WIPF1: variants seen among roughly 807,000 people sequenced by gnomAD.
WIPF1 encodes the protein WAS/WASL interacting protein family member 1, also known as WAS/WASL-interacting protein family member 1.
A neutral mutation model predicts 35.4 loss-of-function variants in WIPF1; 13 were observed. The ratio of observed to expected loss-of-function variants is 0.37; its 90% CI spans 0.24 to 0.58. The LOEUF (loss-of-function observed/expected upper bound fraction) is 0.58, where lower values mean the gene tolerates loss of function less well. Among genes scored for constraint, WIPF1 ranks in the 20% least tolerant of loss-of-function variants. WIPF1 has a pLI of 0.74. For missense variants in WIPF1, 591 were observed against 667.0 expected, an observed-to-expected ratio of 0.89 and a Z score of 1.25; for synonymous variants, 267 against 266.3, an observed-to-expected ratio of 1.00 and a Z score of -0.02.
At chr2:174,586,799 G>A (rs967729563) in intron 1 of WIPF1, among the ~76,000 whole-genome samples, 3 of 152,100 alleles carry the variant, frequency 2.0e-5, no homozygotes, top group African/African-American at 7.2e-5. Flanking sequence ...TGTTAGAAAT[G>A]TCAACTCCCA....
At chr2:174,603,487 C>T (rs2105885720) in intron 1 of WIPF1, among the ~76,000 whole-genome samples, 1 of 152,310 alleles carries the variant, frequency 6.6e-6, no homozygotes, top group South Asian at 2.1e-4. Flanking sequence ...AACAAAATAG[C>T]TAGTTATGCT....
In WIPF1 at chr2:174,571,604, T is replaced by TG; in HGVS notation, c.1129+71dup. 6.2e-7 allele frequency: 1 copy of TG among 1,602,116 alleles called. No homozygotes were observed. On this transcript the variant is annotated intron_variant, in intron 5 of 7. Coordinates refer to ENST00000679041, the MANE Select transcript of WIPF1 (RefSeq NM_001375834.1). This position sits in a 1 kb window ranked among gnomAD's most constrained non-coding sequence, Gnocchi z 4.6. ...TATGCCTGCTTTTGTTAGACTATCT[T>TG]GACTGACAGGATTATTGGTACATTT...
chr2:174,580,219 G>A (rs1270854172), intron 3 of WIPF1, among the ~76,000 whole-genome samples: 4 of 152,130 alleles, frequency 2.6e-5, no homozygotes, highest in African/African-American at 9.7e-5. Flanking sequence ...TAAAAGTGCT[G>A]GAATTACAGG....
chr2:174,583,440 C>T (rs1210263785), intron 2 of WIPF1, among the ~76,000 whole-genome samples: 3 of 152,142 alleles, frequency 2.0e-5, no homozygotes, highest in African/African-American at 4.8e-5. Context: ...CAGCTGACCT[C>T]CCTGGGTGCT....
Position 174,632,990 on chromosome 2 carries a change from G to A in WIPF1, c.-38-47379C>T, listed in dbSNP as rs564369460. On this transcript the variant is annotated intron_variant, in intron 1 of 8. Coordinates refer to the WIPF1 transcript ENST00000272746. ...CCTTCCTACTGCAGTTCCCAAGTGCGTGTCTCCTACAGGCATTTGTGCAAA... is the reference window on the plus strand; with the variant it reads ...CCTTCCTACTGCAGTTCCCAAGTGCATGTCTCCTACAGGCATTTGTGCAAA... Among the ~76,000 whole-genome samples, 9 of 152,278 alleles carry A rather than the reference G, an allele frequency of 5.9e-5. No individual in the cohort carries two copies. The South Asian group carries it at 1.2e-3, about 21-fold the overall frequency.
chr2:174,579,871 A>C (rs1480003893), intron 3 of WIPF1, among the ~76,000 whole-genome samples: 5 of 152,188 alleles, frequency 3.3e-5, no homozygotes, highest in Non-Finnish European at 7.3e-5. Flanking sequence ...CTGAGGGATT[A>C]GAGGGAATAT....
At chr2:174,644,000 T>G (rs1382511559) in intron 1 of WIPF1, among the ~76,000 whole-genome samples, 1 of 152,146 alleles carries the variant, frequency 6.6e-6, no homozygotes, top group East Asian at 1.9e-4. Context: ...ACAATGAGAG[T>G]CACTGATTTT....
chr2:174,643,287 A>C (rs1408940433), intron 1 of WIPF1, among the ~76,000 whole-genome samples: 1 of 149,728 alleles, frequency 6.7e-6, no homozygotes, highest in Non-Finnish European at 1.5e-5. Context: ...AATGCTATTC[A>C]AATATTCTGT....
chr2:174,670,380 T>C (rs1687988029), intron 1 of WIPF1, among the ~76,000 whole-genome samples: 1 of 152,190 alleles, frequency 6.6e-6, no homozygotes, highest in Non-Finnish European at 1.5e-5. Context: ...TCTGCTATGC[T>C]CTCTTGGGCA....
intron 3 of WIPF1, among the ~76,000 whole-genome samples, chr2:174,576,230 C>CAAAAAAAAAAAAAAAAA (rs66562213): frequency 1.1e-4 from 11 of 98,922 alleles, no homozygotes; most frequent in African/African-American, 4.8e-4. Context: ...TGCACTCCAG[C>CAAAAAAAAAAAAAAAAA]AAAAAAAAAA....
chr2:174,569,266 C>T (rs1288594632), intron 5 of WIPF1, among the ~76,000 whole-genome samples: 1 of 152,192 alleles, frequency 6.6e-6, no homozygotes, highest in Non-Finnish European at 1.5e-5. Flanking sequence ...CAACATTTTA[C>T]AGAGGTGGGA....
At chr2:174,610,687 G>A (rs933446759) in intron 1 of WIPF1, among the ~76,000 whole-genome samples, 1 of 152,228 alleles carries the variant, frequency 6.6e-6, no homozygotes, top group Non-Finnish European at 1.5e-5. Flanking sequence ...GATGGCAGTT[G>A]TGTCTTGGCA....
At position 174,571,585 on chromosome 2, in the gene WIPF1, T is replaced by C. The variant is rs777234258; in HGVS notation, c.1129+91A>G. On this transcript the variant is annotated intron_variant, in intron 5 of 7. Coordinates refer to ENST00000679041, the MANE Select transcript of WIPF1 (RefSeq NM_001375834.1). The surrounding 1 kb of genome is among the most constrained non-coding windows in gnomAD (Gnocchi z 4.6). ...AAAGCAGTCTGAGTTTACTTATGCC[T>C]GCTTTTGTTAGACTATCTTGACTGA... The C allele has an allele frequency of 5.1e-6, 8 of 1,576,150 alleles. No individual in the cohort carries two copies. In the Admixed American group the frequency reaches 6.7e-5, roughly 13 times the overall value.
chr2:174,659,424 TA>T (rs1176388352), intron 1 of WIPF1, among the ~76,000 whole-genome samples: 2 of 152,186 alleles, frequency 1.3e-5, no homozygotes, highest in East Asian at 1.9e-4. Flanking sequence ...GCAAGCTAGA[TA>T]GGGGTGATCC....
chr2:174,634,569 G>C (rs1443988975), intron 1 of WIPF1: 2 of 152,228 alleles, frequency 1.3e-5, no homozygotes, highest in African/African-American at 2.4e-5. Flanking sequence ...TTCCCCTGCT[G>C]TCTTCTAGCC....
chr2:174,670,755 C>G (rs965524249), intron 1 of WIPF1, among the ~76,000 whole-genome samples: 1 of 152,240 alleles, frequency 6.6e-6, no homozygotes, highest in African/African-American at 2.4e-5. Flanking sequence ...CACCAACTAA[C>G]AGTCAGGTCA....
At chr2:174,638,921 C>A (rs1470192400) in intron 1 of WIPF1, among the ~76,000 whole-genome samples, 1 of 152,170 alleles carries the variant, frequency 6.6e-6, no homozygotes. Context: ...ACTGCTGGAT[C>A]ATATGGTCAT....
chr2:174,565,922 C>T (rs970640486), intron 7 of WIPF1, among the ~76,000 whole-genome samples: 2 of 151,726 alleles, frequency 1.3e-5, no homozygotes, highest in South Asian at 2.1e-4. Flanking sequence ...CTCGCTCTGT[C>T]GCCCAGGCTG....
intron 5 of WIPF1, among the ~76,000 whole-genome samples, chr2:174,569,756 A>G (rs1204860848): frequency 2.0e-5 from 3 of 152,350 alleles, no homozygotes; most frequent in Non-Finnish European, 4.4e-5. Context: ...GATAGGAGAC[A>G]AGGCCTCAGA....
Sources: allele counts gnomAD v4.1 joint callset (sites outside exome capture counted in the v4.1 genomes callset), GRCh38; gene constraint gnomAD v4.1.1; non-coding constraint Gnocchi (gnomAD v3.1); transcripts MANE v1.5; gene names NCBI Gene and HGNC (gene_info 2026-07-23, HGNC 2026-07-21).